The following NEO1 variants were observed in gnomAD, a reference collection of about 807,000 sequenced individuals.
NEO1 encodes neogenin.
NEO1 carries 63 observed loss-of-function variants against 159.7 expected under a neutral mutation model. That is an observed-to-expected ratio of 0.39 (90% CI 0.32 to 0.49). The LOEUF is 0.49. Ranked by LOEUF, NEO1 falls within the 20% of genes least tolerant of loss-of-function variation. The pLI is 0.85. For missense variants in NEO1, 1,615 were observed against 1,831.0 expected (o/e 0.88, Z 2.15); for synonymous variants, 633 against 662.0 (o/e 0.96, Z 0.67).
At chr15:73,272,954 G>T in intron 19 of NEO1, among the ~76,000 whole-genome samples, 1 of 122,060 alleles carries the variant, frequency 8.2e-6, no homozygotes, top group Non-Finnish European at 1.7e-5. Flanking sequence ...TTCTGCTCTT[G>T]TACCCTGAAG....
At chr15:73,210,509 A>G (rs2037497863) in intron 7 of NEO1, among the ~76,000 whole-genome samples, 1 of 152,262 alleles carries the variant, frequency 6.6e-6, no homozygotes, top group Non-Finnish European at 1.5e-5. Context: ...GAGAGCTTGA[A>G]GGCTTATCTT....
intron 2 of NEO1, 40 bp from the exon 3 acceptor site, chr15:73,122,485 T>C (rs767101478): frequency 9.5e-6 from 15 of 1,574,596 alleles, no homozygotes; most frequent in Non-Finnish European, 1.7e-6. Context: ...TAAAGTAATA[T>C]TTAAATAAAT....
At chr15:73,224,685 C>G (rs2038476842) in intron 7 of NEO1, among the ~76,000 whole-genome samples, 1 of 152,036 alleles carries the variant, frequency 6.6e-6, no homozygotes, top group Non-Finnish European at 1.5e-5. Context: ...ATGCTATCTC[C>G]TTGAATATTT....
chr15:73,268,210 AAGG>A (rs2041005050), intron 16 of NEO1, among the ~76,000 whole-genome samples: 2 of 152,198 alleles, frequency 1.3e-5, no homozygotes, highest in South Asian at 4.1e-4. Context: ...GTATTACAAA[AAGG>A]AGCAAAAATT....
intron 5 of NEO1, among the ~76,000 whole-genome samples, chr15:73,139,996 C>CA (rs1180599893): frequency 1.3e-5 from 2 of 152,144 alleles, no homozygotes; most frequent in African/African-American, 4.8e-5. Context: ...AGAAAATGGG[C>CA]AAAAGACTTG....
At chr15:73,094,577 A>G (rs1472484426) in intron 1 of NEO1, among the ~76,000 whole-genome samples, 4 of 151,902 alleles carry the variant, frequency 2.6e-5, no homozygotes, top group Non-Finnish European at 4.4e-5. Flanking sequence ...TTTGAATTGG[A>G]ATTAGTATCT....
chr15:73,262,548 A>G (rs2040666756), intron 15 of NEO1, among the ~76,000 whole-genome samples: 1 of 152,220 alleles, frequency 6.6e-6, no homozygotes, highest in Non-Finnish European at 1.5e-5. Flanking sequence ...TTAAACCCAC[A>G]ATGAAATGCT....
intron 7 of NEO1, among the ~76,000 whole-genome samples, chr15:73,179,863 G>GTGTATATATA (rs1555445543): frequency 6.8e-6 from 1 of 147,900 alleles, no homozygotes; most frequent in African/African-American, 2.5e-5. Flanking sequence ...TAAATAATAT[G>GTGTATATATA]TATATATATA....
intron 9 of NEO1, among the ~76,000 whole-genome samples, chr15:73,248,787 G>A (rs2039929793): frequency 6.6e-6 from 1 of 152,148 alleles, no homozygotes; most frequent in South Asian, 2.1e-4. Context: ...TCTTTCTGTG[G>A]TGGTTGCCTT....
At chr15:73,244,617 C>G (rs755826963) in intron 9 of NEO1, 119 bp downstream of exon 9, 18 of 1,145,430 alleles carry the variant, frequency 1.6e-5, no homozygotes, top group Non-Finnish European at 2.1e-5. Context: ...CTTTCGGGGT[C>G]CTTATCAATT....
chr15:73,175,306 T>C (rs935049757), intron 5 of NEO1, among the ~76,000 whole-genome samples: 1 of 152,142 alleles, frequency 6.6e-6, no homozygotes, highest in Admixed American at 6.5e-5. Context: ...CAACTGGAAA[T>C]TTTAAAAAAT....
chr15:73,252,714 G>C (rs1354658250), intron 11 of NEO1, among the ~76,000 whole-genome samples: 1 of 152,172 alleles, frequency 6.6e-6, no homozygotes, highest in Non-Finnish European at 1.5e-5. Context: ...CCAGGGCCAG[G>C]CACGGTGGCT....
chr15:73,180,764 G>A (rs2035560318), intron 7 of NEO1, among the ~76,000 whole-genome samples: 1 of 152,078 alleles, frequency 6.6e-6, no homozygotes, highest in South Asian at 2.1e-4. Flanking sequence ...TTTGAGAATA[G>A]CGTTTTATGA....
intron 7 of NEO1, among the ~76,000 whole-genome samples, chr15:73,195,135 T>C (rs775979644): frequency 1.3e-5 from 2 of 152,228 alleles, no homozygotes; most frequent in Non-Finnish European, 2.9e-5. Context: ...GCAGATGACC[T>C]TTCTGGACAC....
At chr15:73,088,628 G>A (rs1183658287) in intron 1 of NEO1, among the ~76,000 whole-genome samples, 2 of 152,040 alleles carry the variant, frequency 1.3e-5, no homozygotes, top group Admixed American at 6.6e-5. Context: ...TTAATAGAAT[G>A]GGTCAGGGTA....
chr15:73,062,488 T>A (rs1031979984), intron 1 of NEO1, among the ~76,000 whole-genome samples: 2 of 152,192 alleles, frequency 1.3e-5, no homozygotes, highest in Admixed American at 1.3e-4. Context: ...ACTGAGTAAT[T>A]GGGTTAGTTA....
chr15:73,196,869 T>A (rs918208609), intron 7 of NEO1, among the ~76,000 whole-genome samples: 20 of 152,226 alleles, frequency 1.3e-4, no homozygotes, highest in African/African-American at 4.8e-4. Context: ...ATCCCACATT[T>A]CCCATTCATT....
At chr15:73,110,749 T>A (rs1442185347) in intron 1 of NEO1, among the ~76,000 whole-genome samples, 1 of 152,176 alleles carries the variant, frequency 6.6e-6, no homozygotes, top group Non-Finnish European at 1.5e-5. Context: ...CAAAATGGAA[T>A]CCAGTGACTC....
intron 26 of NEO1, among the ~76,000 whole-genome samples, chr15:73,294,633 G>T (rs2042286152): frequency 6.6e-6 from 1 of 152,006 alleles, no homozygotes; most frequent in Non-Finnish European, 1.5e-5. Context: ...TCCACCTCCT[G>T]GGTTCAAGCG....
Sources: gnomAD v4.1 joint callset for allele counts (sites outside exome capture counted in the v4.1 genomes callset) on GRCh38, gnomAD v4.1.1 for gene constraint, MANE v1.5 for transcripts, NCBI Gene and HGNC (gene_info 2026-07-23, HGNC 2026-07-21) for gene names.